The following RTL4 variants were observed in gnomAD, a reference collection of about 807,000 sequenced individuals.
RTL4 encodes the protein retrotransposon Gag like 4.
A neutral mutation model predicts 5.3 loss-of-function variants in RTL4; 4 were observed. That is an observed-to-expected ratio of 0.75 (90% CI 0.37 to 1.72). The LOEUF (loss-of-function observed/expected upper bound fraction) is 1.72, where lower values mean the gene tolerates loss of function less well. Among genes scored for constraint, RTL4 ranks in the 40% most tolerant of loss-of-function variants. The pLI is 0.04. For synonymous variants in RTL4, 98 were observed against 87.3 expected, an observed-to-expected ratio of 1.12 and a Z score of -0.68; for missense variants, 260 against 227.1, an observed-to-expected ratio of 1.14 and a Z score of -0.93.
the RTL4 span, among the ~76,000 whole-genome samples, chrX:112,085,155 A>G: frequency 8.9e-6 from 1 of 111,800 alleles, no homozygotes; most frequent in Non-Finnish European, 1.9e-5. Flanking sequence ...ATAGGGACAT[A>G]TTCTGGTTTT....
chrX:112,106,879 A>T, the RTL4 span, among the ~76,000 whole-genome samples: 1 of 110,851 alleles, frequency 9.0e-6, no homozygotes, highest in South Asian at 3.8e-4. Context: ...TTGTTTTGCT[A>T]TTTAGTTGTT....
the RTL4 span, among the ~76,000 whole-genome samples, chrX:112,364,382 A>T: frequency 0.015 from 1,689 of 111,791 alleles, 35 homozygotes; most frequent in African/African-American, 0.052. Context: ...TTCTCCTGAT[A>T]AAGGCATTGA....
the RTL4 span, among the ~76,000 whole-genome samples, chrX:112,308,942 T>C: frequency 9.0e-6 from 1 of 111,724 alleles, no homozygotes; most frequent in African/African-American, 3.2e-5. Flanking sequence ...GAGCTTTGCT[T>C]CCTCTTGAGA....
At chrX:112,376,257 G>GA in the RTL4 span, among the ~76,000 whole-genome samples, 1 of 111,704 alleles carries the variant, frequency 9.0e-6, no homozygotes, top group East Asian at 2.8e-4. Flanking sequence ...GCACACTGGG[G>GA]AAAATGGAAT....
At chrX:112,437,826 G>A in the RTL4 span, among the ~76,000 whole-genome samples, 6 of 64,986 alleles carry the variant, frequency 9.2e-5, no homozygotes, top group Admixed American at 1.6e-4. Context: ...GGTGGTGGTG[G>A]TGGTGGTGGT....
chrX:112,383,322 C>T, the RTL4 span, among the ~76,000 whole-genome samples: 2 of 111,166 alleles, frequency 1.8e-5, no homozygotes, highest in Non-Finnish European at 3.8e-5. Context: ...TAACATGGGT[C>T]CTCTATGGGA....
chrX:112,249,889 T>G, the RTL4 span, among the ~76,000 whole-genome samples: 1 of 109,988 alleles, frequency 9.1e-6, no homozygotes, highest in African/African-American at 3.3e-5. Context: ...TAAGTATTCT[T>G]GTAATGCCCC....
the RTL4 span, among the ~76,000 whole-genome samples, chrX:112,153,068 G>A: frequency 9.0e-6 from 1 of 111,596 alleles, no homozygotes; most frequent in Non-Finnish European, 1.9e-5. Flanking sequence ...ATAATTTGTT[G>A]GCATTTTCTG....
At chrX:112,357,939 G>T in the RTL4 span, among the ~76,000 whole-genome samples, 1 of 111,422 alleles carries the variant, frequency 9.0e-6, no homozygotes, top group African/African-American at 3.3e-5. Flanking sequence ...CTTATGTTTG[G>T]AGCCCCAAAG....
chrX:112,190,204 C>CTTT, the RTL4 span, among the ~76,000 whole-genome samples: 1 of 63,002 alleles, frequency 1.6e-5, no homozygotes, highest in African/African-American at 6.5e-5. Context: ...TTCTTTCTTT[C>CTTT]TTTTTTCTAT....
chrX:112,456,273 T>C, exon 1 of RTL4: 2 of 308,596 alleles, frequency 6.5e-6, no homozygotes, highest in Non-Finnish European at 1.2e-5. Context: ...CTATATGTTT[T>C]GTTTCCATCT....
chrX:112,335,548 C>A, the RTL4 span, among the ~76,000 whole-genome samples: 1 of 110,901 alleles, frequency 9.0e-6, no homozygotes, highest in Non-Finnish European at 1.9e-5. Context: ...ATATTTAAGG[C>A]TAAGTATTTT....
chrX:112,097,803 A>G, the RTL4 span, among the ~76,000 whole-genome samples: 1 of 111,257 alleles, frequency 9.0e-6, no homozygotes, highest in African/African-American at 3.3e-5. Context: ...TGAGTGCCTT[A>G]AGCCAAAGGT....
the RTL4 span, among the ~76,000 whole-genome samples, chrX:112,160,138 C>G: frequency 2.7e-5 from 3 of 112,296 alleles, no homozygotes; most frequent in Non-Finnish European, 3.8e-5. Context: ...GCGGCAGAAT[C>G]TGAATACATC....
At chrX:112,314,222 C>T in the RTL4 span, among the ~76,000 whole-genome samples, 1 of 111,714 alleles carries the variant, frequency 9.0e-6, no homozygotes, top group Non-Finnish European at 1.9e-5. Flanking sequence ...TTCTAAAACC[C>T]ACCGTTCAGC....
At chrX:112,317,908 C>G in the RTL4 span, among the ~76,000 whole-genome samples, 2 of 111,770 alleles carry the variant, frequency 1.8e-5, no homozygotes, top group Non-Finnish European at 3.8e-5. Flanking sequence ...CAATAGCATC[C>G]AACAACTTTA....
the RTL4 span, among the ~76,000 whole-genome samples, chrX:112,292,336 TC>T: frequency 9.0e-6 from 1 of 111,676 alleles, no homozygotes; most frequent in African/African-American, 3.3e-5. Context: ...TGTTCCTTTC[TC>T]CTTATAAATG....
the RTL4 span, among the ~76,000 whole-genome samples, chrX:112,135,917 C>A: frequency 4.7e-5 from 5 of 105,764 alleles, 1 homozygote; most frequent in South Asian, 2.0e-3. Flanking sequence ...TATATGTATA[C>A]CTTGGCTCTC....
the RTL4 span, among the ~76,000 whole-genome samples, chrX:112,402,432 G>GTC: frequency 9.2e-6 from 1 of 108,326 alleles, no homozygotes; most frequent in Non-Finnish European, 1.9e-5. Context: ...GTGTGTGTGT[G>GTC]TGTGTGTGTG....
Sources: allele counts gnomAD v4.1 joint callset (sites outside exome capture counted in the v4.1 genomes callset), GRCh38; gene constraint gnomAD v4.1.1; transcripts MANE v1.5; gene names NCBI Gene and HGNC (gene_info 2026-07-23, HGNC 2026-07-21).